The following ADAM15 variants were observed in gnomAD, a reference collection of about 807,000 sequenced individuals.
The protein encoded by ADAM15 is ADAM metallopeptidase domain 15, also known as disintegrin and metalloproteinase domain-containing protein 15.
ADAM15 carries 77 observed loss-of-function variants against 113.8 expected under a neutral mutation model. That is an observed-to-expected ratio of 0.68 (90% CI 0.56 to 0.82). The LOEUF is 0.82. ADAM15 is among the 40% of genes least tolerant of loss of function. ADAM15 has a pLI of 0.00. For synonymous variants in ADAM15, 388 were observed against 454.1 expected (o/e 0.85, Z 1.85); for missense variants, 963 against 1,120.1 (o/e 0.86, Z 2.00).
At position 155,057,434 on chromosome 1, in the gene ADAM15, G is replaced by A. The variant is rs1661919963; in HGVS notation, c.1323+72G>A. The A allele has an allele frequency of 6.3e-7, 1 of 1,586,386 alleles. No homozygotes were observed. Among genetic ancestry groups the A allele is most frequent in the Admixed American group, 1.7e-5 (1 of 58,516 alleles). ...ACCCTGGCTCATTAGCCCTATCCCA[G>A]CCTCCTGAGCTCTTGGGTTCTGAAG... On this transcript the variant is annotated intron_variant, in intron 12 of 22. Coordinates refer to ENST00000356955, the MANE Select transcript of ADAM15 (RefSeq NM_207197.3). This position sits in a 1 kb window ranked among gnomAD's most constrained non-coding sequence, Gnocchi z 5.0.
chr1:155,055,218 A>AATTATTATT (rs71077976), intron 6 of ADAM15, among the ~76,000 whole-genome samples: 5 of 148,242 alleles, frequency 3.4e-5, no homozygotes, highest in African/African-American at 9.9e-5. Flanking sequence ...GATTTTTAAA[A>AATTATTATT]ATTATTATTA....
chr1:155,053,328 G>A, intron 2 of ADAM15, 89 bp from the exon 3 acceptor site: 2 of 1,186,052 alleles, frequency 1.7e-6, no homozygotes, highest in Non-Finnish European at 2.5e-6. Flanking sequence ...AATTGCTGGT[G>A]CTCTTCTGTG....
rs1348242607 is a variant in ADAM15, at chr1:155,057,529, C to G, written c.1324-108C>G. ...ACATGGGTTGTTGGGCTCTAGCCCT[C>G]GCTTGCTGTGTAGCTTCTGGTCTTG... is the stretch of plus-strand genomic sequence containing the variant. On this transcript the variant is annotated intron_variant, in intron 12 of 22. Transcript: ENST00000356955. This position sits in a 1 kb window ranked among gnomAD's most constrained non-coding sequence, Gnocchi z 5.0. 2 of 1,505,814 alleles carry G rather than the reference C, an allele frequency of 1.3e-6. No homozygotes were observed. The highest frequency in any genetic ancestry group is 1.9e-4 in the Middle Eastern group (1 of 5,390). The allele number at this position is 1,505,814 out of a possible 1,614,324, so 93.3% of individuals were successfully genotyped here.
At position 155,054,177 on chromosome 1, in the gene ADAM15, C is replaced by T. The variant is rs1234492492; in HGVS notation, c.370C>T (p.Arg124Trp). 24 of 1,612,876 alleles carry T rather than the reference C, an allele frequency of 1.5e-5. No individual in the cohort carries two copies. The highest frequency in any genetic ancestry group is 3.4e-5 in the Admixed American group (2 of 59,588). ...GAACTGCTGCTACCAGGGAAGAGTG[C>T]GGGGATATGCAGGCTCCTGGGTGTC... The part of the protein sequence containing the change: ...LENCCYQGRV[R>W]GYAGSWVSIC... Residue 124 changes from arginine (R) to tryptophan (W), a missense_variant, in exon 5 of 23, where the codon CGG becomes TGG. Physicochemically the swap from Arg to Trp is moderately radical, Grantham distance 101 (BLOSUM62 -3). Transcript: ENST00000356955.
Position 155,055,850 on chromosome 1 carries a change from G to A in ADAM15, c.673G>A (p.Glu225Lys). 1 of 1,614,210 alleles carries A rather than the reference G, an allele frequency of 6.2e-7. No individual in the cohort carries two copies. Among genetic ancestry groups the A allele is most frequent in the Non-Finnish European group, 8.5e-7 (1 of 1,180,034 alleles). Residue 225 changes from glutamate (E) to lysine (K), a missense_variant and splice_region_variant, in exon 7 of 23, where the codon GAG becomes AAG. Transcript: ENST00000356955. ...GTTGGTGATTGTGGCTGATCACTCG[G>A]AGGTGAGCCTGCTGGCCCCTGCACA... ...VELVIVADHSEAQKYRDFQHL... is the reference protein window; with the variant it reads ...VELVIVADHSKAQKYRDFQHL...
intron 2 of ADAM15, 52 bp downstream of exon 2, chr1:155,052,829 A>T (rs777587581): frequency 3.9e-6 from 6 of 1,549,792 alleles, no homozygotes; most frequent in Non-Finnish European, 4.4e-6. Flanking sequence ...ACGCCCCGGT[A>T]TAGCCAGGTG....
Position 155,058,097 on chromosome 1 carries a change from A to C in ADAM15, c.1663A>C (p.Asn555His), listed in dbSNP as rs1453730737. The C allele has an allele frequency of 1.2e-6, 2 of 1,613,958 alleles. No homozygotes were observed. Among genetic ancestry groups the C allele is most frequent in the African/African-American group, 1.3e-5 (1 of 75,040 alleles). ...LCLQTANTRG[N>H]AFGSCGRNPS... Reference sequence around the variant, plus strand: ...CCTCCAGACAGCTAATACTCGGGGAAATGCTTTTGGGAGCTGTGGGCGCAA... The same window carrying C: ...CCTCCAGACAGCTAATACTCGGGGACATGCTTTTGGGAGCTGTGGGCGCAA... Residue 555 changes from asparagine (N) to histidine (H), a missense_variant, in exon 14 of 23, where the codon AAT becomes CAT. Asn to His is a moderately conservative substitution (Grantham distance 68). Transcript: ENST00000356955. The surrounding 1 kb of genome is among the most constrained non-coding windows in gnomAD (Gnocchi z 4.3).
Position 155,058,526 on chromosome 1 carries a change from A to C in ADAM15, c.1917+85A>C, listed in dbSNP as rs973999886. 1.4e-5 allele frequency: 22 copies of C among 1,566,536 alleles called. No individual in the cohort carries two copies. The highest frequency in any genetic ancestry group is 1.8e-5 in the Non-Finnish European group (21 of 1,159,630). ...AGAGCCCAGACTTCACCATTCACCA[A>C]TGTCAAAGGCAGGGACTCCAAGGGA... On this transcript the variant is annotated intron_variant, in intron 15 of 22. Transcript: ENST00000356955. The surrounding 1 kb of genome is among the most constrained non-coding windows in gnomAD (Gnocchi z 4.3).
Position 155,056,997 on chromosome 1 carries a change from T to A in ADAM15, c.1044T>A (p.His348Gln), listed in dbSNP as rs754264835. 1 of 1,604,000 alleles carries A rather than the reference T, an allele frequency of 6.2e-7. No individual in the cohort carries two copies. Among genetic ancestry groups the A allele is most frequent in the Admixed American group, 1.7e-5 (1 of 58,462 alleles). Residue 348 changes from histidine (H) to glutamine (Q), a missense_variant, in exon 11 of 23, where the codon CAT becomes CAA. Physicochemically the swap from His to Gln is conservative, Grantham distance 24. Coordinates refer to ENST00000356955, the MANE Select transcript of ADAM15 (RefSeq NM_207197.3). The surrounding 1 kb of genome is among the most constrained non-coding windows in gnomAD (Gnocchi z 4.0). ...TGGGAGTCGCCTCCTCCATAGCCCA[T>A]GAGTTGGGCCACAGCCTGGGCCTGG... ...SILGVASSIA[H>Q]ELGHSLGLDH...
intron 1 of ADAM15, chr1:155,052,456 G>A: frequency 6.6e-7 from 1 of 1,507,648 alleles, no homozygotes; most frequent in Non-Finnish European, 8.9e-7. Flanking sequence ...CTTTCTTGGG[G>A]ACTTGTGAAT....
chr1:155,058,887 C>T lies in ADAM15; in HGVS notation c.1995+100C>T, dbSNP rs1242300712. The T allele has an allele frequency of 2.8e-6, 4 of 1,416,554 alleles. No homozygotes were observed. Among genetic ancestry groups the T allele is most frequent in the African/African-American group, 2.9e-5 (2 of 69,098 alleles). The allele number at this position is 1,416,554 out of a possible 1,614,324, so 87.7% of individuals were successfully genotyped here. A position where few individuals can be genotyped will look rare whatever the true frequency, so the allele number is the denominator to read the frequency against. Reference sequence around the variant, plus strand: ...AGACATATCTGGGTTTTAATCCTTGCTCTACTACTTCCCAGTTGTGTGACC... The same window carrying T: ...AGACATATCTGGGTTTTAATCCTTGTTCTACTACTTCCCAGTTGTGTGACC... On this transcript the variant is annotated intron_variant, in intron 16 of 22. Coordinates refer to ENST00000356955, the MANE Select transcript of ADAM15 (RefSeq NM_207197.3). The surrounding 1 kb of genome is among the most constrained non-coding windows in gnomAD (Gnocchi z 4.3).
chr1:155,057,858 C>T lies in ADAM15; in HGVS notation c.1424C>T (p.Pro475Leu), dbSNP rs561749242. 186 of 1,613,188 alleles carry T rather than the reference C, an allele frequency of 1.2e-4. No individual in the cohort carries two copies. In the South Asian group the frequency reaches 1.8e-3, roughly 16 times the overall value. ...CTCATCCACCCTCCACAGCTGCGCC[C>T]GTCTGGCTGGCAGTGTCGTCCTACC... ...GPCCQNCQLR[P>L]SGWQCRPTRG... Residue 475 changes from proline (P) to leucine (L), a missense_variant, in exon 14 of 23, where the codon CCG becomes CTG. Coordinates refer to ENST00000356955, the MANE Select transcript of ADAM15 (RefSeq NM_207197.3). This position sits in a 1 kb window ranked among gnomAD's most constrained non-coding sequence, Gnocchi z 5.0.
In ADAM15 at chr1:155,060,781, C is replaced by T. The variant is rs1662466527; in HGVS notation, c.2226C>T (p.Pro742=). ...TCQYRAAQSG[P]SERPGPPQRA... ...TGCATAGGGCAGCCCAATCTGGTCC[C>T]TCTGAACGGCCAGGACCTCCGCAGA... The change falls in exon 19 of 23, where the codon CCC becomes CCT. Residue 742 remains proline (P), a synonymous_variant. Coordinates refer to ENST00000356955, the MANE Select transcript of ADAM15 (RefSeq NM_207197.3). 4 of 1,613,690 alleles carry T rather than the reference C, an allele frequency of 2.5e-6. No homozygotes were observed. In the East Asian group the frequency reaches 8.9e-5, roughly 36 times the overall value.
At position 155,054,143 on chromosome 1, in the gene ADAM15, G is replaced by T; in HGVS notation, c.343-7G>T. 1 of 1,613,984 alleles carries T rather than the reference G, an allele frequency of 6.2e-7. No homozygotes were observed. The highest frequency in any genetic ancestry group is 8.5e-7 in the Non-Finnish European group (1 of 1,179,958). On this transcript the variant is annotated splice_polypyrimidine_tract_variant and splice_region_variant and intron_variant, in intron 4 of 22. Transcript: ENST00000356955. ...GAGACAGCACTAATGTTGTTCCCAT[G>T]CTGCAGGAGAACTGCTGCTACCAGG... is the stretch of plus-strand genomic sequence containing the variant.
rs746230521 is a variant in ADAM15, at chr1:155,058,492, A to G, written c.1917+51A>G. ...AGGTGTGAGAAGGGACATTTGGACCACAATGAACAGAGCCCAGACTTCACC... is the reference window on the plus strand; with the variant it reads ...AGGTGTGAGAAGGGACATTTGGACCGCAATGAACAGAGCCCAGACTTCACC... On this transcript the variant is annotated intron_variant, in intron 15 of 22. Transcript: ENST00000356955. This position sits in a 1 kb window ranked among gnomAD's most constrained non-coding sequence, Gnocchi z 4.3. The G allele has an allele frequency of 1.3e-6, 2 of 1,595,748 alleles. No homozygotes were observed. Among genetic ancestry groups the G allele is most frequent in the Admixed American group, 1.7e-5 (1 of 57,918 alleles).
In ADAM15 at chr1:155,062,015, A is replaced by G; in HGVS notation, c.2424+40A>G. 2 of 1,501,694 alleles carry G rather than the reference A, an allele frequency of 1.3e-6. No homozygotes were observed. Among genetic ancestry groups the G allele is most frequent in the South Asian group, 1.3e-5 (1 of 74,078 alleles). 93.0% of individuals were successfully genotyped at this position (1,501,694 alleles called of 1,614,324 possible). The stretch of plus-strand genomic sequence containing the variant: ...AGAGAAGGGCACGGCCTCTCCCCCC[A>G]CCTAGGGCTGTGGTGCTGGTAGCCA... On this transcript the variant is annotated intron_variant, in intron 21 of 22. Coordinates refer to ENST00000356955, the MANE Select transcript of ADAM15 (RefSeq NM_207197.3). This position sits in a 1 kb window ranked among gnomAD's most constrained non-coding sequence, Gnocchi z 7.0.
At position 155,060,345 on chromosome 1, in the gene ADAM15, T is replaced by C. The variant is rs1353645558; in HGVS notation, c.2207+2T>C. 6.2e-7 allele frequency: 1 copy of C among 1,613,564 alleles called. No individual in the cohort carries two copies. The highest frequency in any genetic ancestry group is 8.5e-7 in the Non-Finnish European group (1 of 1,179,716). On this transcript the variant is annotated splice_donor_variant, in intron 18 of 22. Coordinates refer to ENST00000356955, the MANE Select transcript of ADAM15 (RefSeq NM_207197.3). LOFTEE classifies it high-confidence loss of function. The stretch of plus-strand genomic sequence containing the variant: ...CAAGGGACCCACCTGCCAGTACAGG[T>C]ATGAGCATCACCTCCCTGCTACCAC...
chr1:155,062,101 G>A lies in ADAM15; in HGVS notation c.2424+126G>A, dbSNP rs1662724848. ...GCATGAGGGCACATATCCCGGTGGT[G>A]CCTTTAATGGTGACAGGTTTGTTTG... On this transcript the variant is annotated intron_variant, in intron 21 of 22. Transcript: ENST00000356955. The surrounding 1 kb of genome is among the most constrained non-coding windows in gnomAD (Gnocchi z 7.0). 3.4e-6 allele frequency: 5 copies of A among 1,476,698 alleles called. No individual in the cohort carries two copies. The South Asian group carries it at 5.7e-5, about 17-fold the overall frequency. 91.5% of individuals were successfully genotyped at this position (1,476,698 alleles called of 1,614,324 possible).
rs769851885 is a variant in ADAM15 at position 155,062,362 on chromosome 1, C to A, written c.2542C>A (p.Pro848Thr). The change falls in exon 22 of 23, where the codon CCC becomes ACC. Residue 848 changes from proline to threonine, a missense_variant. Pro to Thr is a conservative substitution (Grantham distance 38, BLOSUM62 -1). Transcript: ENST00000356955. The surrounding 1 kb of genome is among the most constrained non-coding windows in gnomAD (Gnocchi z 7.0). Reference protein sequence around the residue: ...PGAGIPPLVVPSRPAPPPPTV... With the variant: ...PGAGIPPLVVTSRPAPPPPTV... The stretch of plus-strand genomic sequence containing the variant: ...GGCTGGAATCCCGCCCCTAGTGGTA[C>A]CCTCCAGGTAGGAGGAGCCCTGGGC... 16 of 1,592,546 alleles carry A rather than the reference C, an allele frequency of 1.0e-5. No individual in the cohort carries two copies. The East Asian group carries it at 3.4e-4, about 34-fold the overall frequency.
Sources: allele counts gnomAD v4.1 joint callset (sites outside exome capture counted in the v4.1 genomes callset), GRCh38; gene constraint gnomAD v4.1.1; non-coding constraint Gnocchi (gnomAD v3.1); transcripts MANE v1.5; gene names NCBI Gene and HGNC (gene_info 2026-07-23, HGNC 2026-07-21).